Variants in BBS9 observed in about 807,000 individuals in gnomAD.
BBS9 encodes the protein Bardet-Biedl syndrome 9, also known as protein PTHB1.
Under a neutral mutation model 117.7 loss-of-function variants are expected in BBS9, and 89 were observed. The ratio of observed to expected loss-of-function variants is 0.76; its 90% CI spans 0.64 to 0.90. The LOEUF is 0.90. Ranked by LOEUF, BBS9 falls within the 40% of genes least tolerant of loss-of-function variation. BBS9 has a pLI of 0.00. For missense variants in BBS9, 982 were observed against 1,042.2 expected (o/e 0.94, Z 0.80); for synonymous variants, 379 against 370.9 (o/e 1.02, Z -0.25).
intron 17 of BBS9, among the ~76,000 whole-genome samples, chr7:33,370,237 C>A (rs984733309): frequency 1.3e-4 from 20 of 151,696 alleles, no homozygotes; most frequent in African/African-American, 4.8e-4. Flanking sequence ...GTGGGAGGAT[C>A]GCTTAAGCCT....
chr7:33,200,427 G>C (rs1213949038), intron 5 of BBS9, among the ~76,000 whole-genome samples: 1 of 152,088 alleles, frequency 6.6e-6, no homozygotes, highest in Non-Finnish European at 1.5e-5. Context: ...GACTTCTCAT[G>C]ATTCTAAAAG....
rs115700234 is a variant in BBS9, at chr7:33,559,430, G to A, written c.2521+25254G>A. Among the ~76,000 whole-genome samples, 346 of 152,086 alleles carry A rather than the reference G, an allele frequency of 2.3e-3. 2 individuals are homozygous for A. The highest frequency in any genetic ancestry group is 7.8e-3 in the African/African-American group (324 of 41,474). ...CTTTAAGAAATATAACCCAAGAGTA[G>A]CCCCCAGGATTATGACTTCATCATT... is the stretch of plus-strand genomic sequence containing the variant. On this transcript the variant is annotated intron_variant, in intron 21 of 22. Coordinates refer to ENST00000242067, the MANE Select transcript of BBS9 (RefSeq NM_198428.3).
intron 19 of BBS9, among the ~76,000 whole-genome samples, chr7:33,485,877 T>G (rs1031957762): frequency 6.6e-6 from 1 of 152,200 alleles, no homozygotes; most frequent in Non-Finnish European, 1.5e-5. Flanking sequence ...AGATAGCTGG[T>G]CACCTCAATT....
intron 20 of BBS9, among the ~76,000 whole-genome samples, chr7:33,531,891 G>T (rs1040114554): frequency 6.6e-6 from 1 of 152,222 alleles, no homozygotes. Context: ...AAACCCCCAC[G>T]AGACTAGACA....
chr7:33,319,797 A>G (rs889666081), intron 9 of BBS9, among the ~76,000 whole-genome samples: 1 of 152,184 alleles, frequency 6.6e-6, no homozygotes, highest in African/African-American at 2.4e-5. Context: ...GAAAATCTTC[A>G]CAATCCATGT....
chr7:33,513,655 G>A (rs1847298569), intron 20 of BBS9, among the ~76,000 whole-genome samples: 1 of 152,012 alleles, frequency 6.6e-6, no homozygotes, highest in Non-Finnish European at 1.5e-5. Context: ...GGTCTCTCCT[G>A]TACAGATGCT....
At chr7:33,245,791 A>G (rs972006248) in intron 5 of BBS9, among the ~76,000 whole-genome samples, 5 of 152,166 alleles carry the variant, frequency 3.3e-5, no homozygotes, top group Non-Finnish European at 7.4e-5. Context: ...GCTCAATGCT[A>G]TGAGCTAGAT....
intron 19 of BBS9, among the ~76,000 whole-genome samples, chr7:33,389,219 C>T (rs1011176729): frequency 6.6e-6 from 1 of 152,144 alleles, no homozygotes; most frequent in Non-Finnish European, 1.5e-5. Flanking sequence ...AGACGCTTCA[C>T]CACAGGACTC....
intron 5 of BBS9, among the ~76,000 whole-genome samples, chr7:33,208,529 G>A (rs986346169): frequency 3.9e-5 from 6 of 152,156 alleles, no homozygotes; most frequent in Non-Finnish European, 5.9e-5. Flanking sequence ...CCTTCCATAA[G>A]TCCTTTGCTT....
At chr7:33,190,553 C>G (rs1450489294) in intron 5 of BBS9, among the ~76,000 whole-genome samples, 1 of 152,174 alleles carries the variant, frequency 6.6e-6, no homozygotes, top group Non-Finnish European at 1.5e-5. Context: ...GTCACTTGAG[C>G]CTTCTCTGTG....
intron 11 of BBS9, among the ~76,000 whole-genome samples, chr7:33,344,078 G>GTTTTTTTTTTTTTTTTTT (rs34530007): frequency 1.5e-5 from 1 of 67,466 alleles, no homozygotes; most frequent in Non-Finnish European, 2.5e-5. Context: ...TAGGGGATGA[G>GTTTTTTTTTTTTTTTTTT]TTTTTTTTTT....
chr7:33,260,918 A>G (rs1406518288), intron 6 of BBS9, among the ~76,000 whole-genome samples: 1 of 152,248 alleles, frequency 6.6e-6, no homozygotes, highest in Non-Finnish European at 1.5e-5. Flanking sequence ...ATCACTAAGT[A>G]AATAATCAGC....
rs149589916 is a variant in BBS9, at chr7:33,486,903, G to C, written c.2116-18560G>C. The stretch of plus-strand genomic sequence containing the variant: ...CACAGCAAATGAAACATAATTCATT[G>C]TCCTAGCCAATAATGTCTTTCATAA... On this transcript the variant is annotated intron_variant, in intron 19 of 22. Transcript: ENST00000242067. Among the ~76,000 whole-genome samples the C allele has an allele frequency of 5.9e-3, 893 of 152,310 alleles. 11 individuals are homozygous for C. The highest frequency in any genetic ancestry group is 0.021 in the African/African-American group (856 of 41,558).
At chr7:33,498,827 G>C in intron 19 of BBS9, among the ~76,000 whole-genome samples, 1 of 152,108 alleles carries the variant, frequency 6.6e-6, no homozygotes. Flanking sequence ...AACTATTCGT[G>C]AGCAGGTTTT....
At chr7:33,590,457 T>G (rs1248135327) in intron 21 of BBS9, among the ~76,000 whole-genome samples, 57 of 93,752 alleles carry the variant, frequency 6.1e-4, no homozygotes, top group African/African-American at 5.1e-3. Flanking sequence ...TTTTGTTTTT[T>G]TGTTTTTTTT....
intron 21 of BBS9, among the ~76,000 whole-genome samples, chr7:33,631,792 G>A (rs1190838873): frequency 4.6e-5 from 7 of 152,160 alleles, no homozygotes; most frequent in East Asian, 1.9e-4. Flanking sequence ...CAACCTTGAC[G>A]TGCTCCACAC....
intron 19 of BBS9, among the ~76,000 whole-genome samples, chr7:33,419,880 T>A (rs1360809200): frequency 6.6e-6 from 1 of 152,128 alleles, no homozygotes; most frequent in Non-Finnish European, 1.5e-5. Flanking sequence ...TACATCTTTA[T>A]GTCACATCAA....
chr7:33,631,956 C>T (rs962943298), intron 21 of BBS9, among the ~76,000 whole-genome samples: 1 of 152,036 alleles, frequency 6.6e-6, no homozygotes, highest in African/African-American at 2.4e-5. Flanking sequence ...CTAATTAGTG[C>T]GTAGAATGGA....
chr7:33,527,071 G>A (rs192312837), intron 20 of BBS9, among the ~76,000 whole-genome samples: 2,255 of 151,770 alleles, frequency 0.015, 31 homozygotes, highest in Admixed American at 0.023. Flanking sequence ...GGGGTCAGGG[G>A]TCAGGCACCC....
Sources: allele counts gnomAD v4.1 joint callset (sites outside exome capture counted in the v4.1 genomes callset), GRCh38; gene constraint gnomAD v4.1.1; transcripts MANE v1.5; gene names NCBI Gene and HGNC (gene_info 2026-07-23, HGNC 2026-07-21).